The following KIF14 variants were observed in gnomAD, a reference collection of about 807,000 sequenced individuals.
KIF14 encodes kinesin-like protein KIF14.
KIF14 carries 98 observed loss-of-function variants against 176.2 expected under a neutral mutation model. The ratio of observed to expected loss-of-function variants is 0.56; its 90% CI spans 0.47 to 0.66. The LOEUF (loss-of-function observed/expected upper bound fraction) is 0.66, where lower values mean the gene tolerates loss of function less well. KIF14 is among the 30% of genes least tolerant of loss of function. The probability of loss-of-function intolerance (pLI) is 0.00; values close to 1 mark genes in which losing one functional copy is unlikely to be tolerated. For missense variants in KIF14, 1,751 were observed against 1,920.4 expected (o/e 0.91, Z 1.65); for synonymous variants, 566 against 632.2 (o/e 0.90, Z 1.57).
chr1:200,611,150 AT>A (rs1262334144), intron 4 of KIF14, among the ~76,000 whole-genome samples: 1 of 152,202 alleles, frequency 6.6e-6, no homozygotes, highest in Non-Finnish European at 1.5e-5. Context: ...TGGTTTCCTT[AT>A]TAGAGAAATA....
chr1:200,563,071 C>T (rs918608667), intron 25 of KIF14, among the ~76,000 whole-genome samples: 1 of 152,074 alleles, frequency 6.6e-6, no homozygotes. Context: ...CTTGGGGAGA[C>T]CTAGAAAATC....
rs1168327998 is a variant in KIF14 at position 200,551,890 on chromosome 1, G to C, written c.*1498C>G. ...TATAGAGCTTCAGAAAGAATACAAG[G>C]TCAAATGCCAAAAATAAAAAAAGAA... On this transcript the variant is annotated 3_prime_UTR_variant, in exon 30 of 30. Transcript: ENST00000367350. The C allele has an allele frequency of 6.6e-6, 1 of 152,076 alleles. No homozygotes were observed. The highest frequency in any genetic ancestry group is 1.5e-5 in the Non-Finnish European group (1 of 67,996). The allele number at this position is 152,076 out of a possible 1,614,324, so 9.4% of individuals were successfully genotyped here.
rs1364562721 is a variant in KIF14, at chr1:200,575,601, A to G, written c.3556T>C (p.Ser1186Pro). The G allele has an allele frequency of 6.3e-7, 1 of 1,578,380 alleles. No homozygotes were observed. Among genetic ancestry groups the G allele is most frequent in the African/African-American group, 1.3e-5 (1 of 74,378 alleles). ...DITDAPVSSL[S>P]RRRSRSLMKN... The stretch of plus-strand genomic sequence containing the variant: ...CAAAATTGTCTTTACCTCCTTCTAG[A>G]AAGTGAAGAAACTGGTGCATCTGTA... Residue 1186 changes from serine to proline, a missense_variant, in exon 22 of 30, where the codon TCT (serine) becomes CCT (proline). Coordinates refer to ENST00000367350, the MANE Select transcript of KIF14 (RefSeq NM_014875.3).
At chr1:200,602,588 G>A (rs1659679629) in intron 10 of KIF14, among the ~76,000 whole-genome samples, 1 of 152,016 alleles carries the variant, frequency 6.6e-6, no homozygotes, top group Non-Finnish European at 1.5e-5. Flanking sequence ...TCCCTTATAG[G>A]TTTCAAGGTG....
At chr1:200,553,822 A>G in intron 29 of KIF14, 55 bp from the exon 30 acceptor site, 1 of 1,492,328 alleles carries the variant, frequency 6.7e-7, no homozygotes, top group Non-Finnish European at 9.0e-7. Context: ...TTCATCAGGT[A>G]TTTATGACTT....
intron 23 of KIF14, among the ~76,000 whole-genome samples, chr1:200,568,714 G>C (rs962247867): frequency 6.6e-6 from 1 of 152,020 alleles, no homozygotes; most frequent in Admixed American, 6.6e-5. Flanking sequence ...CCACTATTCA[G>C]TTCTAACCTA....
Position 200,601,906 on chromosome 1 carries a change from C to A in KIF14, c.2142G>T (p.Lys714Asn). Reference protein sequence around the residue: ...IAKVNEDMNAKLIRELKAEIA... With the variant: ...IAKVNEDMNANLIRELKAEIA... ...TGAGAAAATATTCACCTCTAATTAA[C>A]TTAGCGTTCATATCTTCATTTACTT... The change falls in exon 11 of 30, where the codon AAG becomes AAT. Residue 714 changes from lysine to asparagine, a missense_variant. Physicochemically the swap from Lys to Asn is moderately conservative, Grantham distance 94. Transcript: ENST00000367350. The A allele has an allele frequency of 6.2e-7, 1 of 1,607,120 alleles. No homozygotes were observed. The highest frequency in any genetic ancestry group is 8.5e-7 in the Non-Finnish European group (1 of 1,177,060).
At chr1:200,612,000 C>CTTTTTTTTTTTTTT (rs79821962) in intron 4 of KIF14, among the ~76,000 whole-genome samples, 2 of 148,614 alleles carry the variant, frequency 1.3e-5, no homozygotes, top group African/African-American at 2.5e-5. Context: ...AGTCCATGCT[C>CTTTTTTTTTTTTTT]TTTTTTTTTT....
chr1:200,609,238 A>G (rs1571561095), intron 4 of KIF14, among the ~76,000 whole-genome samples: 1 of 152,340 alleles, frequency 6.6e-6, no homozygotes, highest in Middle Eastern at 3.4e-3. Context: ...ATAAGAAGTG[A>G]AAACCAACCA....
chr1:200,606,077 AAAT>A (rs1659866355), intron 6 of KIF14, among the ~76,000 whole-genome samples, 183 bp from the exon 7 acceptor site: 1 of 152,162 alleles, frequency 6.6e-6, no homozygotes, highest in South Asian at 2.1e-4. Context: ...ACAGGAAATA[AAAT>A]AATGCTTTAA....
intron 11 of KIF14, among the ~76,000 whole-genome samples, chr1:200,600,860 G>C (rs1659591599): frequency 6.6e-6 from 1 of 152,136 alleles, no homozygotes. Flanking sequence ...GAACAGCCAA[G>C]ATCAAAGATT....
chr1:200,580,661 A>G (rs1658393519), intron 20 of KIF14, among the ~76,000 whole-genome samples: 1 of 152,096 alleles, frequency 6.6e-6, no homozygotes, highest in Admixed American at 6.5e-5. Flanking sequence ...CAAATTCCTA[A>G]AACAACTAAA....
At chr1:200,593,846 C>G (rs1659177042) in intron 14 of KIF14, 77 bp from the exon 15 acceptor site, 2 of 786,126 alleles carry the variant, frequency 2.5e-6, no homozygotes. Context: ...TGGGATAATT[C>G]TGCTTGGGCT....
intron 22 of KIF14, among the ~76,000 whole-genome samples, chr1:200,570,415 G>T (rs1223461456): frequency 6.6e-6 from 1 of 152,178 alleles, no homozygotes; most frequent in Non-Finnish European, 1.5e-5. Context: ...AAGAAGTCAG[G>T]GGGGCCTCCT....
chr1:200,571,618 C>T (rs1452872891), intron 22 of KIF14, among the ~76,000 whole-genome samples: 2 of 152,036 alleles, frequency 1.3e-5, no homozygotes, highest in East Asian at 1.9e-4. Flanking sequence ...TACTATTTGT[C>T]GAAAAGATTA....
chr1:200,609,154 C>A (rs1045862858), intron 4 of KIF14, among the ~76,000 whole-genome samples: 40 of 152,122 alleles, frequency 2.6e-4, no homozygotes, highest in African/African-American at 9.7e-4. Context: ...TGCTCAACAT[C>A]ATTTCTCAGT....
chr1:200,565,986 A>AT (rs1378211219), intron 23 of KIF14, among the ~76,000 whole-genome samples: 1 of 152,206 alleles, frequency 6.6e-6, no homozygotes, highest in Admixed American at 6.5e-5. Flanking sequence ...TGCTCTTCCA[A>AT]AAATGTTCAG....
Position 200,614,402 on chromosome 1 carries a change from C to T in KIF14, c.1371G>A (p.Met457Ile), listed in dbSNP as rs2102776595. The change falls in exon 4 of 30, where the codon ATG becomes ATA. Residue 457 changes from methionine to isoleucine, a missense_variant. Physicochemically the swap from Met to Ile is conservative, Grantham distance 10 (BLOSUM62 1). Transcript: ENST00000367350. ...GQTGSGKSYTMMGFSEEPGII... is the reference protein window; with the variant it reads ...GQTGSGKSYTIMGFSEEPGII... ...TTCCTGGTTCTTCACTAAATCCCAT[C>T]ATCCTGAAAAATACATTATGAATAA... 2 of 1,575,120 alleles carry T rather than the reference C, an allele frequency of 1.3e-6. No homozygotes were observed. The highest frequency in any genetic ancestry group is 4.5e-5 in the East Asian group (2 of 44,602).
intron 11 of KIF14, among the ~76,000 whole-genome samples, chr1:200,601,673 A>G (rs896003284): frequency 2.6e-5 from 4 of 151,708 alleles, no homozygotes; most frequent in African/African-American, 9.7e-5. Flanking sequence ...CCTTACTCAC[A>G]CTCTGTTTTC....
Sources: allele counts gnomAD v4.1 joint callset (sites outside exome capture counted in the v4.1 genomes callset), GRCh38; gene constraint gnomAD v4.1.1; transcripts MANE v1.5; gene names NCBI Gene and HGNC (gene_info 2026-07-23, HGNC 2026-07-21).